Variants in ANXA2 observed in about 807,000 individuals in gnomAD.
ANXA2 encodes the protein annexin II.
Under a neutral mutation model 47.3 loss-of-function variants are expected in ANXA2, and 28 were observed. That is an observed-to-expected ratio of 0.59 (90% confidence interval 0.44 to 0.81). ANXA2 has a LOEUF of 0.81. Among genes scored for constraint, ANXA2 ranks in the 40% least tolerant of loss-of-function variants. The pLI, the probability that ANXA2 is intolerant of heterozygous loss-of-function variation, is 0.00. For missense variants in ANXA2, 384 were observed against 414.3 expected, an observed-to-expected ratio of 0.93 and a Z score of 0.64; for synonymous variants, 172 against 155.5, an observed-to-expected ratio of 1.11 and a Z score of -0.79.
chr15:60,351,282 C>A, intron 10 of ANXA2, 31 bp from the exon 11 acceptor site: 1 of 1,610,388 alleles, frequency 6.2e-7, no homozygotes, highest in Non-Finnish European at 8.5e-7. Flanking sequence ...GTCAGCGCTG[C>A]AGCTGCTCTG....
chr15:60,389,505 T>A (rs575677290), intron 1 of ANXA2, among the ~76,000 whole-genome samples: 1 of 152,324 alleles, frequency 6.6e-6, no homozygotes, highest in Non-Finnish European at 1.5e-5. Flanking sequence ...TAGGCTTCTT[T>A]ACACTCTCCA....
At chr15:60,360,604 T>C (rs919406720) in intron 5 of ANXA2, among the ~76,000 whole-genome samples, 1 of 144,636 alleles carries the variant, frequency 6.9e-6, no homozygotes, top group African/African-American at 2.9e-5. Context: ...AAGCTATGAG[T>C]TTTTTTTTCT....
At chr15:60,358,041 T>C (rs551523144) in intron 5 of ANXA2, among the ~76,000 whole-genome samples, 6 of 152,340 alleles carry the variant, frequency 3.9e-5, no homozygotes, top group Admixed American at 1.3e-4. Flanking sequence ...AGTAAGTCTT[T>C]TTACCAGGCA....
intron 1 of ANXA2, chr15:60,397,129 C>A (rs1052348265): frequency 6.6e-6 from 2 of 303,106 alleles, no homozygotes; most frequent in Admixed American, 1.3e-4. Context: ...GTGGGGCCAG[C>A]TGCACAGAGC....
chr15:60,359,107 T>C (rs539372235), intron 5 of ANXA2, among the ~76,000 whole-genome samples: 76 of 152,312 alleles, frequency 5.0e-4, no homozygotes, highest in African/African-American at 1.7e-3. Flanking sequence ...GTTCAGTTAA[T>C]GTCACTTCAA....
chr15:60,347,717 C>A, intron 12 of ANXA2, 28 bp from the exon 13 acceptor site: 1 of 1,610,358 alleles, frequency 6.2e-7, no homozygotes, highest in Non-Finnish European at 8.5e-7. Context: ...AGAAAAGAAA[C>A]GTGGTATCAG....
chr15:60,350,583 T>C (rs1352087104), intron 11 of ANXA2, among the ~76,000 whole-genome samples: 1 of 152,128 alleles, frequency 6.6e-6, no homozygotes, highest in African/African-American at 2.4e-5. Context: ...TGCAAAAGCC[T>C]AGAAGCCAGA....
intron 9 of ANXA2, 56 bp from the exon 10 acceptor site, chr15:60,351,875 C>T (rs11633619): frequency 0.31 from 372,071 of 1,210,164 alleles, 59,358 homozygotes; most frequent in Middle Eastern, 0.4. Context: ...AAGCTGTCAA[C>T]GATCACCCAC....
intron 1 of ANXA2, among the ~76,000 whole-genome samples, chr15:60,388,080 C>A (rs186151383): frequency 1.3e-5 from 2 of 151,634 alleles, no homozygotes; most frequent in Admixed American, 6.6e-5. Context: ...CCCAACTACT[C>A]GGGAGGCTGA....
chr15:60,358,106 T>A (rs530914689), intron 5 of ANXA2, among the ~76,000 whole-genome samples: 2 of 152,304 alleles, frequency 1.3e-5, no homozygotes, highest in East Asian at 1.9e-4. Context: ...TAAAATTGGG[T>A]TAATGTTAAA....
intron 3 of ANXA2, among the ~76,000 whole-genome samples, chr15:60,366,402 A>C (rs1166532151): frequency 5.4e-5 from 8 of 148,220 alleles, no homozygotes; most frequent in African/African-American, 1.5e-4. Context: ...GGAAGTGAGG[A>C]GCATCTCTGC....
intron 5 of ANXA2, among the ~76,000 whole-genome samples, 166 bp from the exon 6 acceptor site, chr15:60,357,402 A>G (rs2062448358): frequency 6.6e-6 from 1 of 152,158 alleles, no homozygotes; most frequent in Non-Finnish European, 1.5e-5. Flanking sequence ...GCACAAAGTA[A>G]TGGCATTTTC....
At chr15:60,361,168 C>A in intron 4 of ANXA2, 114 bp from the exon 5 acceptor site, 1 of 742,676 alleles carries the variant, frequency 1.3e-6, no homozygotes, top group South Asian at 1.5e-5. Flanking sequence ...TTTGACCACT[C>A]CGGAGTCTTG....
chr15:60,389,095 C>A (rs2062973513), intron 1 of ANXA2, among the ~76,000 whole-genome samples: 1 of 152,170 alleles, frequency 6.6e-6, no homozygotes, highest in African/African-American at 2.4e-5. Context: ...CACCCAAGCC[C>A]TGGCCTTAAC....
intron 8 of ANXA2, among the ~76,000 whole-genome samples, chr15:60,353,094 A>G (rs2062373981): frequency 6.6e-6 from 1 of 152,070 alleles, no homozygotes; most frequent in South Asian, 2.1e-4. Flanking sequence ...TTTATTTAAA[A>G]CCCTTCTCTA....
At chr15:60,392,942 T>TA (rs60755565) in intron 1 of ANXA2, 2,815 of 925,652 alleles carry the variant, frequency 3.0e-3, no homozygotes, top group Middle Eastern at 5.2e-3. Context: ...AATTTTAAAC[T>TA]AAAAAAAAAA....
chr15:60,378,466 C>T (rs1372835074), intron 3 of ANXA2, among the ~76,000 whole-genome samples: 1 of 152,196 alleles, frequency 6.6e-6, no homozygotes, highest in Admixed American at 6.5e-5. Flanking sequence ...TACCTCAAGA[C>T]ATACTTCCCA....
intron 1 of ANXA2, chr15:60,395,540 A>G (rs994076459): frequency 6.6e-6 from 1 of 152,220 alleles, no homozygotes; most frequent in South Asian, 2.1e-4. Context: ...GGAAGAGCCT[A>G]CAGCCCTCAA....
At chr15:60,357,486 G>T (rs1311054164) in intron 5 of ANXA2, among the ~76,000 whole-genome samples, 7 of 151,416 alleles carry the variant, frequency 4.6e-5, no homozygotes, top group Non-Finnish European at 7.4e-5. Flanking sequence ...TGTTAATATG[G>T]TTTTTTTTTT....
Sources: allele counts gnomAD v4.1 joint callset (sites outside exome capture counted in the v4.1 genomes callset), GRCh38; gene constraint gnomAD v4.1.1; transcripts MANE v1.5; gene names NCBI Gene and HGNC (gene_info 2026-07-23, HGNC 2026-07-21).